The following HIBADH variants were observed in gnomAD, a reference collection of about 807,000 sequenced individuals.
HIBADH encodes the protein 3-hydroxyisobutyrate dehydrogenase.
HIBADH carries 25 observed loss-of-function variants against 36.1 expected under a neutral mutation model. That is an observed-to-expected ratio of 0.69 (90% CI 0.50 to 0.97). The LOEUF is 0.97. Ranked by LOEUF, HIBADH falls within the 50% of genes least tolerant of loss-of-function variation. HIBADH has a pLI of 0.00. For synonymous variants in HIBADH, 160 were observed against 149.5 expected (o/e 1.07, Z -0.51); for missense variants, 421 against 418.0 (o/e 1.01, Z -0.06).
At chr7:27,656,892 T>C (rs1786317246) in intron 1 of HIBADH, among the ~76,000 whole-genome samples, 1 of 152,176 alleles carries the variant, frequency 6.6e-6, no homozygotes, top group Non-Finnish European at 1.5e-5. Context: ...CTGATAAAAG[T>C]GGACTGTGTA....
At chr7:27,641,303 C>T (rs1438191733) in intron 2 of HIBADH, among the ~76,000 whole-genome samples, 2 of 152,208 alleles carry the variant, frequency 1.3e-5, no homozygotes, top group African/African-American at 2.4e-5. Flanking sequence ...AATCAACTAA[C>T]CAGCATTTCT....
intron 4 of HIBADH, among the ~76,000 whole-genome samples, chr7:27,571,348 G>A (rs1403220430): frequency 8.6e-5 from 13 of 151,868 alleles, no homozygotes; most frequent in African/African-American, 2.4e-4. Context: ...TCAGACTCCC[G>A]AGTAGCTGGG....
At chr7:27,540,838 A>G (rs1784138910) in intron 5 of HIBADH, among the ~76,000 whole-genome samples, 1 of 152,218 alleles carries the variant, frequency 6.6e-6, no homozygotes, top group African/African-American at 2.4e-5. Context: ...TAACTTTAAA[A>G]GTCAGTCCCT....
intron 4 of HIBADH, among the ~76,000 whole-genome samples, chr7:27,600,819 T>C (rs895834804): frequency 6.6e-6 from 1 of 152,150 alleles, no homozygotes; most frequent in Non-Finnish European, 1.5e-5. Flanking sequence ...AACACACCAA[T>C]GTAAGAAGAA....
chr7:27,598,132 T>C (rs1785061547), intron 4 of HIBADH, among the ~76,000 whole-genome samples: 1 of 152,218 alleles, frequency 6.6e-6, no homozygotes, highest in Non-Finnish European at 1.5e-5. Flanking sequence ...TCAACACAAG[T>C]GTAGATAAAT....
At chr7:27,596,206 C>T (rs892697544) in intron 4 of HIBADH, among the ~76,000 whole-genome samples, 3 of 152,128 alleles carry the variant, frequency 2.0e-5, no homozygotes, top group Admixed American at 1.3e-4. Flanking sequence ...GCTGTGTCCT[C>T]TGGAGGGGAG....
chr7:27,618,985 A>G (rs1297004714), intron 4 of HIBADH, among the ~76,000 whole-genome samples: 1 of 152,180 alleles, frequency 6.6e-6, no homozygotes, highest in African/African-American at 2.4e-5. Context: ...CTTCACCTCC[A>G]ACACTGGGGA....
At chr7:27,558,610 T>C (rs981313227) in intron 4 of HIBADH, among the ~76,000 whole-genome samples, 5 of 152,110 alleles carry the variant, frequency 3.3e-5, no homozygotes, top group African/African-American at 4.8e-5. Flanking sequence ...GGCAAGAGGA[T>C]TGCTTGAGTC....
At chr7:27,647,935 T>G (rs950082510) in intron 2 of HIBADH, among the ~76,000 whole-genome samples, 2 of 152,216 alleles carry the variant, frequency 1.3e-5, no homozygotes. Flanking sequence ...TCTAGGGTAA[T>G]AGTCCCCATT....
At chr7:27,631,598 C>G (rs999276115) in intron 3 of HIBADH, among the ~76,000 whole-genome samples, 2 of 152,104 alleles carry the variant, frequency 1.3e-5, no homozygotes, top group African/African-American at 4.8e-5. Flanking sequence ...AACATAACCG[C>G]AAGGGTTTGG....
At position 27,638,330 on chromosome 7, in the gene HIBADH, AC is replaced by A. The variant is rs1481732500; in HGVS notation, c.253-5886del. ...AGTCAAAAAAAAAAAAAAAAAAAAA[AC>A]AAGCAATAAGGAAAGGACTCCCTAT... is the stretch of plus-strand genomic sequence containing the variant. On this transcript the variant is annotated intron_variant, in intron 2 of 7. Coordinates refer to ENST00000265395, the MANE Select transcript of HIBADH (RefSeq NM_152740.4). Among the ~76,000 whole-genome samples the A allele has an allele frequency of 3.9e-3, 430 of 110,870 alleles. 11 individuals carry two copies. The highest frequency in any genetic ancestry group is 0.011 in the Middle Eastern group (2 of 190). 72.7% of individuals were successfully genotyped at this position (110,870 alleles called of 152,430 possible).
At chr7:27,599,254 A>T (rs1403534821) in intron 4 of HIBADH, among the ~76,000 whole-genome samples, 1 of 152,212 alleles carries the variant, frequency 6.6e-6, no homozygotes, top group African/African-American at 2.4e-5. Context: ...GTTGAACTTA[A>T]AGAAGGATTA....
At chr7:27,572,259 C>A (rs1038232571) in intron 4 of HIBADH, among the ~76,000 whole-genome samples, 1 of 152,176 alleles carries the variant, frequency 6.6e-6, no homozygotes, top group Non-Finnish European at 1.5e-5. Context: ...TCTCCATTCT[C>A]TAATGAGAAA....
intron 6 of HIBADH, among the ~76,000 whole-genome samples, 166 bp downstream of exon 6, chr7:27,538,175 T>C (rs1183496629): frequency 1.3e-5 from 2 of 152,202 alleles, no homozygotes; most frequent in African/African-American, 4.8e-5. Flanking sequence ...CTGGGTCCTA[T>C]TGCTTGTCCA....
intron 2 of HIBADH, among the ~76,000 whole-genome samples, chr7:27,648,115 A>C (rs1282283331): frequency 6.6e-6 from 1 of 152,208 alleles, no homozygotes; most frequent in Non-Finnish European, 1.5e-5. Context: ...CAAAATAACT[A>C]CTAATTGGTT....
chr7:27,575,611 C>G (rs562349721), intron 4 of HIBADH, among the ~76,000 whole-genome samples: 6 of 152,186 alleles, frequency 3.9e-5, no homozygotes, highest in African/African-American at 1.4e-4. Flanking sequence ...AGTGGCATAG[C>G]AGCAGGGATG....
intron 1 of HIBADH, among the ~76,000 whole-genome samples, chr7:27,661,316 C>T (rs1786412671): frequency 6.6e-6 from 1 of 152,098 alleles, no homozygotes; most frequent in Non-Finnish European, 1.5e-5. Context: ...TCTTACAATT[C>T]CTGGCCAGCC....
intron 2 of HIBADH, chr7:27,647,748 G>A (rs1451405750): frequency 5.1e-6 from 2 of 394,238 alleles, no homozygotes; most frequent in South Asian, 3.9e-5. Context: ...AGAGTATGAG[G>A]TAATTCAGGC....
chr7:27,543,243 A>G (rs1784185754), intron 4 of HIBADH, 143 bp from the exon 5 acceptor site: 2 of 786,866 alleles, frequency 2.5e-6, no homozygotes, highest in East Asian at 5.4e-5. Context: ...GATACTCTAA[A>G]TCTCTACAGA....
Sources: allele counts gnomAD v4.1 joint callset (sites outside exome capture counted in the v4.1 genomes callset), GRCh38; gene constraint gnomAD v4.1.1; transcripts MANE v1.5; gene names NCBI Gene and HGNC (gene_info 2026-07-23, HGNC 2026-07-21).